Variants in TUBGCP3 observed in about 807,000 individuals in gnomAD.
The protein encoded by TUBGCP3 is tubulin gamma complex component 3, also known as gamma-tubulin complex component 3.
TUBGCP3 carries 50 observed loss-of-function variants against 123.1 expected under a neutral mutation model. That is an observed-to-expected ratio of 0.41 (90% CI 0.32 to 0.51). TUBGCP3 has a LOEUF of 0.51. TUBGCP3 is among the 20% of genes least tolerant of loss of function. TUBGCP3 has a pLI of 0.36. For synonymous variants in TUBGCP3, 405 were observed against 413.9 expected, an observed-to-expected ratio of 0.98 and a Z score of 0.26; for missense variants, 882 against 1,127.0, an observed-to-expected ratio of 0.78 and a Z score of 3.11.
intron 16 of TUBGCP3, 31 bp downstream of exon 16, chr13:112,518,944 A>G: frequency 6.3e-7 from 1 of 1,588,012 alleles, no homozygotes; most frequent in East Asian, 2.2e-5. Flanking sequence ...AATAGTTGTA[A>G]ATACTATAAA....
intron 17 of TUBGCP3, among the ~76,000 whole-genome samples, chr13:112,507,009 T>G (rs535186673): frequency 6.6e-6 from 1 of 152,336 alleles, no homozygotes; most frequent in Non-Finnish European, 1.5e-5. Context: ...TTTAAAACAT[T>G]CTACAGGTGC....
chr13:112,496,736 C>T (rs1330585559), intron 20 of TUBGCP3, among the ~76,000 whole-genome samples: 1 of 152,126 alleles, frequency 6.6e-6, no homozygotes, highest in African/African-American at 2.4e-5. Context: ...CTTGTAATCC[C>T]AGCACTTTGG....
intron 10 of TUBGCP3, chr13:112,546,468 G>A (rs1474657167): frequency 6.6e-6 from 1 of 152,642 alleles, no homozygotes; most frequent in African/African-American, 2.4e-5. Flanking sequence ...AGAAGCACAT[G>A]AAGAGTTCTT....
intron 17 of TUBGCP3, among the ~76,000 whole-genome samples, chr13:112,507,549 T>A (rs531473170): frequency 6.6e-6 from 1 of 152,212 alleles, no homozygotes; most frequent in Non-Finnish European, 1.5e-5. Context: ...AGCATACAAA[T>A]TTTTTGTGGC....
intron 13 of TUBGCP3, among the ~76,000 whole-genome samples, chr13:112,526,394 T>C (rs1877098425): frequency 6.8e-6 from 1 of 146,110 alleles, no homozygotes; most frequent in Admixed American, 6.9e-5. Flanking sequence ...ACCACCATCA[T>C]CACCATCAAC....
intron 1 of TUBGCP3, among the ~76,000 whole-genome samples, chr13:112,584,907 T>TGGC (rs1882504508): frequency 6.6e-6 from 1 of 152,374 alleles, no homozygotes; most frequent in Admixed American, 6.5e-5. Context: ...TGACTATGAC[T>TGGC]GGCTGGCAGT....
At chr13:112,487,071 G>C (rs1177947762) in intron 21 of TUBGCP3, among the ~76,000 whole-genome samples, 3 of 147,430 alleles carry the variant, frequency 2.0e-5, no homozygotes, top group African/African-American at 4.9e-5. Context: ...GTGTGTGTGT[G>C]TGTGTGTGTG....
chr13:112,560,466 G>A (rs1269715159), intron 3 of TUBGCP3, among the ~76,000 whole-genome samples: 1 of 151,718 alleles, frequency 6.6e-6, no homozygotes, highest in Non-Finnish European at 1.5e-5. Flanking sequence ...GCACTTAGCT[G>A]TCAAGATAAC....
At chr13:112,571,897 T>G (rs1881424876) in intron 1 of TUBGCP3, among the ~76,000 whole-genome samples, 1 of 152,210 alleles carries the variant, frequency 6.6e-6, no homozygotes, top group African/African-American at 2.4e-5. Context: ...AGCTTCTAAC[T>G]TTTCTTCTGC....
chr13:112,522,556 T>G (rs771306356), intron 13 of TUBGCP3, 47 bp from the exon 14 acceptor site: 2 of 1,562,008 alleles, frequency 1.3e-6, no homozygotes, highest in South Asian at 2.4e-5. Flanking sequence ...GTAATTTGTA[T>G]TTCCACAGAG....
rs532203379 is a variant in TUBGCP3, at chr13:112,524,884, T to C, written c.1555+2058A>G. On this transcript the variant is annotated intron_variant, in intron 13 of 21. Coordinates refer to ENST00000261965, the MANE Select transcript of TUBGCP3 (RefSeq NM_006322.6). The surrounding 1 kb of genome is among the most constrained non-coding windows in gnomAD (Gnocchi z 4.4). ...TCCACTAGTAAGTCCTCTCAGCTAC[T>C]GAAAACCAAATTGCCCGAAATGACA... is the stretch of plus-strand genomic sequence containing the variant. 2.0e-5 allele frequency among the ~76,000 whole-genome samples: 3 copies of C among 152,342 alleles called. 1 individual carries two copies. Among genetic ancestry groups the C allele is most frequent in the African/African-American group, 4.8e-5 (2 of 41,588 alleles).
At chr13:112,596,872 C>A in the TUBGCP3 span, among the ~76,000 whole-genome samples, 1 of 152,132 alleles carries the variant, frequency 6.6e-6, no homozygotes, top group African/African-American at 2.4e-5. Context: ...TTAATTCAGA[C>A]CAATCCTCCC....
rs779531513 is a variant in TUBGCP3, at chr13:112,489,662, C to T, written c.2484G>A (p.Glu828=). The T allele has an allele frequency of 4.8e-5, 78 of 1,614,064 alleles. No individual in the cohort carries two copies. The highest frequency in any genetic ancestry group is 1.7e-6 in the Non-Finnish European group (2 of 1,180,034). ...QWGVTAAEEE[E]ENKRIGEFKE... ...TAAATTCTCCAATCCTCTTATTTTC[C>T]TCCTCTTCCTCTGCTGCCGTCACTC... Residue 828 remains glutamate, a synonymous_variant, in exon 21 of 22, where the codon GAG becomes GAA. Coordinates refer to ENST00000261965, the MANE Select transcript of TUBGCP3 (RefSeq NM_006322.6).
At chr13:112,536,752 C>T (rs1878089047) in intron 11 of TUBGCP3, among the ~76,000 whole-genome samples, 1 of 152,030 alleles carries the variant, frequency 6.6e-6, no homozygotes, top group Admixed American at 6.6e-5. Flanking sequence ...TTCTATAAAT[C>T]AGATCAAGTA....
At chr13:112,518,788 A>C (rs1027840829) in intron 16 of TUBGCP3, among the ~76,000 whole-genome samples, 187 bp downstream of exon 16, 1 of 152,256 alleles carries the variant, frequency 6.6e-6, no homozygotes. Flanking sequence ...AGAGCATTTC[A>C]GTACTCATTA....
At chr13:112,529,846 C>T (rs985228512) in intron 11 of TUBGCP3, among the ~76,000 whole-genome samples, 1 of 152,334 alleles carries the variant, frequency 6.6e-6, no homozygotes, top group South Asian at 2.1e-4. Context: ...TCGTATCACA[C>T]CCAAAGTGCC....
chr13:112,497,419 A>G (rs1880599189), intron 20 of TUBGCP3, among the ~76,000 whole-genome samples: 1 of 152,234 alleles, frequency 6.6e-6, no homozygotes, highest in South Asian at 2.1e-4. Flanking sequence ...AAAAAATACC[A>G]AAGAAATAAC....
intron 19 of TUBGCP3, among the ~76,000 whole-genome samples, chr13:112,503,663 C>T (rs1881085214): frequency 2.6e-5 from 4 of 152,176 alleles, no homozygotes; most frequent in South Asian, 2.1e-4. Flanking sequence ...CCACTGCGCC[C>T]GGCCTGTTTT....
upstream of TUBGCP3, among the ~76,000 whole-genome samples, chr13:112,592,383 C>T (rs1193519699): frequency 1.3e-5 from 2 of 152,158 alleles, no homozygotes; most frequent in Non-Finnish European, 2.9e-5. The surrounding 1 kb of genome is among the most constrained non-coding windows in gnomAD (Gnocchi z 4.1). Context: ...ACGCAGGTTC[C>T]ACCAGGCAGG....
Sources: gnomAD v4.1 joint callset for allele counts (sites outside exome capture counted in the v4.1 genomes callset) on GRCh38, gnomAD v4.1.1 for gene constraint, Gnocchi (gnomAD v3.1) non-coding constraint, MANE v1.5 for transcripts, NCBI Gene and HGNC (gene_info 2026-07-23, HGNC 2026-07-21) for gene names.